RIMS1: variants seen among roughly 807,000 people sequenced by gnomAD.
RIMS1 encodes regulating synaptic membrane exocytosis protein 1.
RIMS1 carries 83 observed loss-of-function variants against 214.1 expected under a neutral mutation model. That is an observed-to-expected ratio of 0.39 (90% CI 0.32 to 0.47). The LOEUF is 0.47. RIMS1 is among the 20% of genes least tolerant of loss of function. The pLI, the probability that RIMS1 is intolerant of heterozygous loss-of-function variation, is 0.99. For missense variants in RIMS1, 2,050 were observed against 2,161.8 expected (o/e 0.95, Z 1.03); for synonymous variants, 793 against 786.8 (o/e 1.01, Z -0.13).
intron 6 of RIMS1, among the ~76,000 whole-genome samples, chr6:72,218,025 A>T (rs2056927668): frequency 6.6e-6 from 1 of 152,048 alleles, no homozygotes; most frequent in Non-Finnish European, 1.5e-5. Flanking sequence ...GATGATTTTC[A>T]TGTAGAAAAA....
At position 72,274,412 on chromosome 6, in the gene RIMS1, T is replaced by C; in HGVS notation, c.3462T>C (p.His1154=). ...CTAGTCCCAGGATTCAAATCCAGCA[T>C]GCGTCTCCGGAGAATGACAGGTACT... is the stretch of plus-strand genomic sequence containing the variant. ...RPPSPRIQIQ[H]ASPENDRHSR... is the part of the protein sequence containing the mutation. The change falls in exon 23 of 34, where the codon CAT becomes CAC. Residue 1154 remains histidine, a synonymous_variant. Coordinates refer to ENST00000521978, the MANE Select transcript of RIMS1 (RefSeq NM_014989.7). The C allele has an allele frequency of 6.2e-7, 1 of 1,613,332 alleles. No individual in the cohort carries two copies. Among genetic ancestry groups the C allele is most frequent in the Non-Finnish European group, 8.5e-7 (1 of 1,179,422 alleles).
chr6:71,920,082 A>G (rs751245392), intron 1 of RIMS1, among the ~76,000 whole-genome samples: 3 of 152,232 alleles, frequency 2.0e-5, no homozygotes, highest in Non-Finnish European at 4.4e-5. Context: ...TATAAGATTC[A>G]AAGAGTGCAA....
At chr6:72,189,845 A>G (rs934357409) in intron 6 of RIMS1, among the ~76,000 whole-genome samples, 3 of 152,242 alleles carry the variant, frequency 2.0e-5, no homozygotes, top group Non-Finnish European at 4.4e-5. Context: ...GATCCTATCC[A>G]CTTGATTATT....
Position 72,251,207 on chromosome 6 carries a change from C to T in RIMS1, c.2545-8C>T. 6.3e-7 allele frequency: 1 copy of T among 1,589,476 alleles called. No homozygotes were observed. Among genetic ancestry groups the T allele is most frequent in the South Asian group, 1.1e-5 (1 of 87,326 alleles). On this transcript the variant is annotated splice_polypyrimidine_tract_variant and splice_region_variant and intron_variant, in intron 14 of 33. Coordinates refer to ENST00000521978, the MANE Select transcript of RIMS1 (RefSeq NM_014989.7). ...GTACTTGATTTAATTTGAGAATTAC[C>T]CTCTCAGATCCTCATAGAATTGGAG...
At position 72,304,824 on chromosome 6, in the gene RIMS1, AATG is replaced by A. The variant is rs1313260456; in HGVS notation, c.3851-2431_3851-2429del. Among the ~76,000 whole-genome samples, 3 of 152,116 alleles carry A rather than the reference AATG, an allele frequency of 2.0e-5. No individual in the cohort carries two copies. The East Asian group carries it at 5.8e-4, about 29-fold the overall frequency. On this transcript the variant is annotated intron_variant, in intron 26 of 33. Transcript: ENST00000521978. Reference sequence around the variant, plus strand: ...ATTTGGCTTTTTGCTACGAGTAAATAATGATAAGCTATTAGCATTTTGGTTTTG... The same window carrying A: ...ATTTGGCTTTTTGCTACGAGTAAATAATAAGCTATTAGCATTTTGGTTTTG...
At chr6:72,226,404 T>C (rs1194380993) in intron 6 of RIMS1, among the ~76,000 whole-genome samples, 1 of 152,034 alleles carries the variant, frequency 6.6e-6, no homozygotes, top group Non-Finnish European at 1.5e-5. Context: ...TTTCTCAATA[T>C]CGATTACCCT....
chr6:72,000,410 T>G (rs1041609658), intron 2 of RIMS1, among the ~76,000 whole-genome samples: 1 of 152,182 alleles, frequency 6.6e-6, no homozygotes, highest in Non-Finnish European at 1.5e-5. Flanking sequence ...AATAAATGAC[T>G]AATAAGTTTA....
At chr6:72,348,300 A>G (rs542425452) in intron 29 of RIMS1, among the ~76,000 whole-genome samples, 20 of 152,056 alleles carry the variant, frequency 1.3e-4, no homozygotes, top group Admixed American at 4.6e-4. Context: ...TTCATGGGAA[A>G]TATTATAGAA....
Position 72,288,856 on chromosome 6 carries a change from T to C in RIMS1, c.3555-1823T>C, listed in dbSNP as rs2154244451. Among the ~76,000 whole-genome samples the C allele has an allele frequency of 2.0e-5, 3 of 151,444 alleles. No homozygotes were observed. In the Middle Eastern group the frequency reaches 0.01, roughly 515 times the overall value. On this transcript the variant is annotated intron_variant, in intron 24 of 33. Transcript: ENST00000521978. ...AGAGTGGCTGGGGGCAGGAACTCTT[T>C]TATTATTGAGGGACTTTTCATGTCA... is the stretch of plus-strand genomic sequence containing the variant.
chr6:72,228,305 C>T (rs1034922863), intron 6 of RIMS1, among the ~76,000 whole-genome samples: 4 of 151,804 alleles, frequency 2.6e-5, no homozygotes, highest in Admixed American at 2.6e-4. Context: ...TTATACCTCC[C>T]CGTTTCCCCT....
chr6:72,256,304 G>A (rs1161856693), intron 16 of RIMS1, among the ~76,000 whole-genome samples: 1 of 152,014 alleles, frequency 6.6e-6, no homozygotes, highest in Non-Finnish European at 1.5e-5. Context: ...AGTACACATT[G>A]CCGTCAGTAT....
chr6:72,384,170 C>G (rs2098545808), intron 29 of RIMS1, among the ~76,000 whole-genome samples: 1 of 152,114 alleles, frequency 6.6e-6, no homozygotes. Context: ...GTGTTTTTCC[C>G]TGTTCATCTA....
Position 71,887,004 on chromosome 6 carries a change from G to C in RIMS1, c.-20G>C, listed in dbSNP as rs201759453. ...GGTGAGAGCCAGAGAGCGAGCAGAG[G>C]GGGCGGGCAGGCCACGAAAATGTCC... On this transcript the variant is annotated 5_prime_UTR_variant, in exon 1 of 34. Coordinates refer to ENST00000521978, the MANE Select transcript of RIMS1 (RefSeq NM_014989.7). 279 of 1,609,920 alleles carry C rather than the reference G, an allele frequency of 1.7e-4. 1 individual carries two copies. In the East Asian group the frequency reaches 4.9e-3, roughly 28 times the overall value.
At chr6:72,332,966 AT>A (rs1483166976) in intron 28 of RIMS1, among the ~76,000 whole-genome samples, 3 of 151,990 alleles carry the variant, frequency 2.0e-5, no homozygotes, top group Middle Eastern at 3.4e-3. Context: ...AAAGAAGGAA[AT>A]GAGATGAAGA....
intron 4 of RIMS1, among the ~76,000 whole-genome samples, chr6:72,122,875 T>G (rs2038699433): frequency 6.6e-6 from 1 of 151,902 alleles, no homozygotes; most frequent in Non-Finnish European, 1.5e-5. Flanking sequence ...CTTTTCTTCT[T>G]TATTAGTCTT....
chr6:72,228,841 A>G (rs181300107), intron 6 of RIMS1, among the ~76,000 whole-genome samples: 1 of 152,054 alleles, frequency 6.6e-6, no homozygotes, highest in Admixed American at 6.6e-5. Context: ...AATTTTTATA[A>G]TAGGCCATCC....
chr6:71,937,198 G>T (rs553571829), intron 1 of RIMS1, among the ~76,000 whole-genome samples: 1 of 152,308 alleles, frequency 6.6e-6, no homozygotes, highest in East Asian at 1.9e-4. Context: ...CACAGAATAG[G>T]TAATTTATAA....
At chr6:72,062,940 A>C (rs942006163) in intron 2 of RIMS1, among the ~76,000 whole-genome samples, 1 of 151,938 alleles carries the variant, frequency 6.6e-6, no homozygotes, top group Non-Finnish European at 1.5e-5. Flanking sequence ...GGCTCTCTCT[A>C]ATAATCTCGT....
chr6:71,954,870 T>A (rs201552804), intron 1 of RIMS1, among the ~76,000 whole-genome samples: 8 of 102,976 alleles, frequency 7.8e-5, no homozygotes, highest in African/African-American at 4.1e-4. Flanking sequence ...ACACACACAC[T>A]CCACACACAC....
Sources: allele counts gnomAD v4.1 joint callset (sites outside exome capture counted in the v4.1 genomes callset), GRCh38; gene constraint gnomAD v4.1.1; transcripts MANE v1.5; gene names NCBI Gene and HGNC (gene_info 2026-07-23, HGNC 2026-07-21).